DDA1: variants seen among roughly 807,000 people sequenced by gnomAD.
DDA1 encodes DET1- and DDB1-associated protein 1.
DDA1 carries 3 observed loss-of-function variants against 18.6 expected under a neutral mutation model. The observed-to-expected ratio is 0.16, with a 90% confidence interval of 0.07 to 0.42. The LOEUF is 0.42. DDA1 is among the 10% of genes least tolerant of loss of function. The pLI, the probability that DDA1 is intolerant of heterozygous loss-of-function variation, is 0.99. For synonymous variants in DDA1, 52 were observed against 54.0 expected (o/e 0.96, Z 0.17); for missense variants, 105 against 138.2 (o/e 0.76, Z 1.20).
Position 17,321,055 on chromosome 19 carries a change from A to C in DDA1, c.*1399A>C, listed in dbSNP as rs2074237757. On this transcript the variant is annotated 3_prime_UTR_variant, in exon 5 of 5. Transcript: ENST00000359866. ...CAGTGGCGTAATCACAGCTCACTGCAGCCTCGACCTCAAGCCTTCCTCCCA... is the reference window on the plus strand; with the variant it reads ...CAGTGGCGTAATCACAGCTCACTGCCGCCTCGACCTCAAGCCTTCCTCCCA... The C allele has an allele frequency of 6.6e-6, 1 of 151,956 alleles. No homozygotes were observed. The highest frequency in any genetic ancestry group is 2.4e-5 in the African/African-American group (1 of 41,320). The allele number at this position is 151,956 out of a possible 1,614,324, so 9.4% of individuals were successfully genotyped here. A position where few individuals can be genotyped will look rare whatever the true frequency, so the allele number is the denominator to read the frequency against.
At chr19:17,318,791 G>A (rs1347552506) in intron 4 of DDA1, among the ~76,000 whole-genome samples, 1 of 147,686 alleles carries the variant, frequency 6.8e-6, no homozygotes, top group Admixed American at 6.7e-5. Context: ...TCAGCCTCCA[G>A]AGTAGCTGGG....
Position 17,314,146 on chromosome 19 carries a change from A to C in DDA1, c.84+43A>C, listed in dbSNP as rs1439654449. On this transcript the variant is annotated intron_variant, in intron 2 of 4. Coordinates refer to ENST00000359866, the MANE Select transcript of DDA1 (RefSeq NM_024050.6). The surrounding 1 kb of genome is among the most constrained non-coding windows in gnomAD (Gnocchi z 4.6). ...GGACTGGGAGGAATTGGTCACTTCC[A>C]GGGGGCCTGGGGGCAGCTTGTGTCC... The C allele has an allele frequency of 1.9e-6, 3 of 1,604,854 alleles. No individual in the cohort carries two copies. In the African/African-American group the frequency reaches 4.0e-5, roughly 21 times the overall value.
At position 17,314,303 on chromosome 19, in the gene DDA1, C is replaced by G. The variant is rs2074192294; in HGVS notation, c.85-35C>G. 1 of 1,613,772 alleles carries G rather than the reference C, an allele frequency of 6.2e-7. No homozygotes were observed. Among genetic ancestry groups the G allele is most frequent in the South Asian group, 1.1e-5 (1 of 91,078 alleles). ...GATGAGGAGACCCCAGGCCCATGCA[C>G]TCTCCTAACCCACCCCTTCTCAACC... On this transcript the variant is annotated intron_variant, in intron 2 of 4. Transcript: ENST00000359866. The surrounding 1 kb of genome is among the most constrained non-coding windows in gnomAD (Gnocchi z 4.6).
intron 4 of DDA1, 28 bp from the exon 5 acceptor site, chr19:17,319,518 C>G: frequency 3.2e-6 from 5 of 1,546,462 alleles, no homozygotes; most frequent in Non-Finnish European, 4.4e-6. Context: ...AAAAGACTCA[C>G]AGCCCCTCTC....
chr19:17,314,145 CA>C lies in DDA1; in HGVS notation c.84+43del. ...GGGACTGGGAGGAATTGGTCACTTC[CA>C]GGGGGCCTGGGGGCAGCTTGTGTCC... On this transcript the variant is annotated intron_variant, in intron 2 of 4. Coordinates refer to ENST00000359866, the MANE Select transcript of DDA1 (RefSeq NM_024050.6). This position sits in a 1 kb window ranked among gnomAD's most constrained non-coding sequence, Gnocchi z 4.6. 1.2e-6 allele frequency: 2 copies of C among 1,605,172 alleles called. No homozygotes were observed. Among genetic ancestry groups the C allele is most frequent in the Non-Finnish European group, 1.7e-6 (2 of 1,172,362 alleles).
chr19:17,316,036 C>T (rs2074211388), intron 4 of DDA1, 41 bp downstream of exon 4: 1 of 1,605,202 alleles, frequency 6.2e-7, no homozygotes, highest in Admixed American at 1.7e-5. Flanking sequence ...TGTGGGTGGA[C>T]AGAGACTGGG....
chr19:17,316,111 G>C, intron 4 of DDA1, 116 bp downstream of exon 4: 1 of 1,214,898 alleles, frequency 8.2e-7, no homozygotes, highest in Non-Finnish European at 1.2e-6. Context: ...TTGAGGGCTG[G>C]GTAGGAGTGC....
Position 17,314,626 on chromosome 19 carries a change from C to A in DDA1, c.136+237C>A, listed in dbSNP as rs1005589526. 1 of 559,978 alleles carries A rather than the reference C, an allele frequency of 1.8e-6. No homozygotes were observed. The highest frequency in any genetic ancestry group is 3.2e-6 in the Non-Finnish European group (1 of 314,250). The allele number at this position is 559,978 out of a possible 1,614,324, so 34.7% of individuals were successfully genotyped here. A position where few individuals can be genotyped will look rare whatever the true frequency, so the allele number is the denominator to read the frequency against. On this transcript the variant is annotated intron_variant, in intron 3 of 4. Coordinates refer to ENST00000359866, the MANE Select transcript of DDA1 (RefSeq NM_024050.6). The surrounding 1 kb of genome is among the most constrained non-coding windows in gnomAD (Gnocchi z 4.6). The stretch of plus-strand genomic sequence containing the variant: ...ACGTGGATGCCTGTCCACTCCCAGC[C>A]CCTGGGGACAGCCAGAAACCTGGCT...
intron 4 of DDA1, among the ~76,000 whole-genome samples, chr19:17,317,947 TTTC>T (rs1397404485): frequency 6.6e-6 from 1 of 151,706 alleles, no homozygotes; most frequent in African/African-American, 2.4e-5. Context: ...ACGGGATATT[TTTC>T]TTCTTTTTCT....
intron 1 of DDA1, among the ~76,000 whole-genome samples, chr19:17,310,443 G>A (rs2074173970): frequency 6.6e-6 from 1 of 152,168 alleles, no homozygotes; most frequent in African/African-American, 2.4e-5. Flanking sequence ...CTGGAATTTG[G>A]GTCTGGTGGT....
intron 4 of DDA1, among the ~76,000 whole-genome samples, chr19:17,318,594 T>C (rs1478577284): frequency 3.3e-5 from 5 of 151,700 alleles, no homozygotes; most frequent in Admixed American, 3.3e-4. Flanking sequence ...CTCGAACTCC[T>C]GACTTGAAGT....
At chr19:17,318,765 A>G (rs1229049427) in intron 4 of DDA1, among the ~76,000 whole-genome samples, 5 of 151,080 alleles carry the variant, frequency 3.3e-5, no homozygotes, top group Non-Finnish European at 5.9e-5. Flanking sequence ...TCTTGGGTTC[A>G]AGCAATTCTT....
chr19:17,319,923 G>T lies in DDA1; in HGVS notation c.*267G>T. ...GATGCTTTTTAAAAAAAACAACATT[G>T]TCCCCCCGACCCCCGCCTTCCATCG... On this transcript the variant is annotated 3_prime_UTR_variant, in exon 5 of 5. Coordinates refer to ENST00000359866, the MANE Select transcript of DDA1 (RefSeq NM_024050.6). The T allele has an allele frequency of 2.7e-6, 1 of 372,248 alleles. No individual in the cohort carries two copies. The highest frequency in any genetic ancestry group is 4.9e-6 in the Non-Finnish European group (1 of 204,200). The allele number at this position is 372,248 out of a possible 1,614,324, so 23.1% of individuals were successfully genotyped here. A position where few individuals can be genotyped will look rare whatever the true frequency, so the allele number is the denominator to read the frequency against.
intron 1 of DDA1, among the ~76,000 whole-genome samples, chr19:17,310,759 C>T (rs1349341033): frequency 2.0e-5 from 3 of 151,196 alleles, no homozygotes; most frequent in Admixed American, 6.6e-5. Flanking sequence ...GGTACAGTCT[C>T]ATCCCTACAG....
chr19:17,310,037 T>G, intron 1 of DDA1: 1 of 245,550 alleles, frequency 4.1e-6, no homozygotes, highest in South Asian at 1.5e-4. Context: ...GAGGCCGGCC[T>G]GGGCCCCGGG....
chr19:17,315,240 TGTATATACACACACGTGTATATAC>T lies in DDA1; in HGVS notation c.137-693_137-670del, dbSNP rs1568353858. On this transcript the variant is annotated intron_variant, in intron 3 of 4. Transcript: ENST00000359866. ...ACACACACGTGTATACACACACACG[TGTATATACACACACGTGTATATAC>T]ACACACGTGTATATACACACACTAT... 1.3e-3 allele frequency among the ~76,000 whole-genome samples: 86 copies of T among 64,808 alleles called. 14 individuals are homozygous for T. Among genetic ancestry groups the T allele is most frequent in the Middle Eastern group, 0.013 (2 of 154 alleles). The allele number at this position is 64,808 out of a possible 152,430, so 42.5% of individuals were successfully genotyped here.
At position 17,319,974 on chromosome 19, in the gene DDA1, A is replaced by C; in HGVS notation, c.*318A>C. On this transcript the variant is annotated 3_prime_UTR_variant, in exon 5 of 5. Transcript: ENST00000359866. ...GGCCAGTTCCCCGATTCCTGCCCCC[A>C]GTTCTCCAGAGAACCAGAGTGTGTC... The C allele has an allele frequency of 3.5e-6, 1 of 283,004 alleles. No homozygotes were observed. The highest frequency in any genetic ancestry group is 6.8e-6 in the Non-Finnish European group (1 of 146,748). 17.5% of individuals were successfully genotyped at this position (283,004 alleles called of 1,614,324 possible). A position where few individuals can be genotyped will look rare whatever the true frequency, so the allele number is the denominator to read the frequency against.
rs2074231798 is a variant in DDA1, at chr19:17,319,915, AC to A, written c.*260del. The A allele has an allele frequency of 4.9e-6, 2 of 411,702 alleles. No homozygotes were observed. Among genetic ancestry groups the A allele is most frequent in the South Asian group, 7.0e-5 (2 of 28,540 alleles). The allele number at this position is 411,702 out of a possible 1,614,324, so 25.5% of individuals were successfully genotyped here. A position where few individuals can be genotyped will look rare whatever the true frequency, so the allele number is the denominator to read the frequency against. On this transcript the variant is annotated 3_prime_UTR_variant, in exon 5 of 5. Coordinates refer to ENST00000359866, the MANE Select transcript of DDA1 (RefSeq NM_024050.6). The stretch of plus-strand genomic sequence containing the variant: ...TGTTGGTAGATGCTTTTTAAAAAAA[AC>A]AACATTGTCCCCCCGACCCCCGCCT...
intron 4 of DDA1, among the ~76,000 whole-genome samples, chr19:17,317,602 C>T (rs552898272): frequency 1.0e-4 from 15 of 149,254 alleles, no homozygotes; most frequent in African/African-American, 2.2e-4. Context: ...GAGAGGCTGA[C>T]GCAAGCAGAT....
Sources: gnomAD v4.1 joint callset for allele counts (sites outside exome capture counted in the v4.1 genomes callset) on GRCh38, gnomAD v4.1.1 for gene constraint, Gnocchi (gnomAD v3.1) non-coding constraint, MANE v1.5 for transcripts, NCBI Gene and HGNC (gene_info 2026-07-23, HGNC 2026-07-21) for gene names.